Variants in RANBP2 observed in about 807,000 individuals in gnomAD.
RANBP2 encodes RAN binding protein 2.
In RANBP2, 57 loss-of-function variants were observed where a neutral mutation model predicts 303.6. That is an observed-to-expected ratio of 0.19 (90% confidence interval 0.15 to 0.23). The LOEUF (loss-of-function observed/expected upper bound fraction) is 0.23, where lower values mean the gene tolerates loss of function less well. Among genes scored for constraint, RANBP2 ranks in the 10% least tolerant of loss-of-function variants. The pLI, the probability that RANBP2 is intolerant of heterozygous loss-of-function variation, is 1.00. For synonymous variants in RANBP2, 1,167 were observed against 1,301.5 expected (o/e 0.90, Z 2.23); for missense variants, 3,138 against 3,780.8 (o/e 0.83, Z 4.46).
At chr2:109,588,121 A>G in the RANBP2 span, among the ~76,000 whole-genome samples, 5 of 152,026 alleles carry the variant, frequency 3.3e-5, no homozygotes, top group African/African-American at 1.2e-4. Flanking sequence ...AAAAAAAAAG[A>G]CATCGTAGAA....
chr2:108,883,954 G>GT, the RANBP2 span: 132,888 of 152,270 alleles, frequency 0.87, 58,374 homozygotes, highest in East Asian at 1. Flanking sequence ...GTCTCTCACA[G>GT]GTTCCTAGGC....
chr2:109,365,847 T>C, the RANBP2 span, among the ~76,000 whole-genome samples: 1 of 152,266 alleles, frequency 6.6e-6, no homozygotes, highest in Admixed American at 6.5e-5. Flanking sequence ...CCTTTCACTG[T>C]TAAATTGCCT....
the RANBP2 span, among the ~76,000 whole-genome samples, chr2:108,900,374 G>A: frequency 2.6e-5 from 4 of 152,094 alleles, no homozygotes; most frequent in African/African-American, 9.7e-5. Context: ...TGGTCAACAC[G>A]GTGAAACCCT....
chr2:109,449,147 T>C, the RANBP2 span: 1 of 1,608,776 alleles, frequency 6.2e-7, no homozygotes, highest in Non-Finnish European at 8.5e-7. Context: ...TTCAACCTGC[T>C]GTCTCTCCAA....
chr2:109,205,350 C>T, the RANBP2 span, among the ~76,000 whole-genome samples: 418 of 151,674 alleles, frequency 2.8e-3, 4 homozygotes, highest in African/African-American at 9.3e-3. Context: ...ATTCTCCTGC[C>T]GCAGCCTTCT....
At chr2:109,332,822 G>C in the RANBP2 span, among the ~76,000 whole-genome samples, 1 of 152,210 alleles carries the variant, frequency 6.6e-6, no homozygotes, top group African/African-American at 2.4e-5. Flanking sequence ...CCTTTTTAAC[G>C]TGCACAGTAT....
At chr2:108,841,237 G>T in the RANBP2 span, among the ~76,000 whole-genome samples, 19 of 152,228 alleles carry the variant, frequency 1.2e-4, no homozygotes, top group African/African-American at 4.6e-4. Flanking sequence ...TATGTATTCT[G>T]TTGTTTGGTA....
At chr2:109,268,660 T>A in the RANBP2 span, among the ~76,000 whole-genome samples, 2 of 152,200 alleles carry the variant, frequency 1.3e-5, no homozygotes, top group African/African-American at 4.8e-5. Context: ...GAATCTTTAC[T>A]TTGAGTTCCT....
At chr2:109,703,850 C>G in the RANBP2 span, among the ~76,000 whole-genome samples, 49 of 152,358 alleles carry the variant, frequency 3.2e-4, no homozygotes, top group African/African-American at 1.2e-3. Context: ...CAAACGTCCT[C>G]CCTCTGCCCA....
the RANBP2 span, chr2:108,805,072 A>G: frequency 1.1e-6 from 1 of 927,528 alleles, no homozygotes; most frequent in Non-Finnish European, 1.5e-6. Context: ...TATATATAAC[A>G]AATTAAAGTC....
At chr2:109,614,089 G>A in the RANBP2 span, 5 of 1,211,104 alleles carry the variant, frequency 4.1e-6, no homozygotes, top group African/African-American at 7.9e-5. Context: ...CGACGCCTGA[G>A]GACTGAGCGT....
the RANBP2 span, among the ~76,000 whole-genome samples, chr2:109,529,176 T>G: frequency 6.6e-6 from 1 of 152,096 alleles, no homozygotes; most frequent in African/African-American, 2.4e-5. Context: ...GGGTCCTGGA[T>G]GGGCTCAGGG....
At chr2:109,682,228 C>G in the RANBP2 span, among the ~76,000 whole-genome samples, 1 of 152,158 alleles carries the variant, frequency 6.6e-6, no homozygotes, top group African/African-American at 2.4e-5. Context: ...GTGAGCCTGG[C>G]AGTAAAGTTG....
the RANBP2 span, among the ~76,000 whole-genome samples, chr2:109,285,022 G>A: frequency 3.9e-5 from 6 of 152,228 alleles, no homozygotes; most frequent in South Asian, 2.1e-4. Flanking sequence ...TTGTCTGTGC[G>A]CTGTGCCGCG....
At chr2:109,090,308 C>CCACACACA in the RANBP2 span, among the ~76,000 whole-genome samples, 168 of 132,828 alleles carry the variant, frequency 1.3e-3, 2 homozygotes, top group African/African-American at 4.6e-3. Context: ...GGACACCTCG[C>CCACACACA]CTCACACACA....
At chr2:109,685,675 T>C in the RANBP2 span, among the ~76,000 whole-genome samples, 1 of 152,352 alleles carries the variant, frequency 6.6e-6, no homozygotes, top group Non-Finnish European at 1.5e-5. Flanking sequence ...TCAGTGAGGT[T>C]CACAGAGGGC....
the RANBP2 span, among the ~76,000 whole-genome samples, chr2:109,684,245 CT>C: frequency 2.1e-4 from 18 of 87,138 alleles, no homozygotes; most frequent in South Asian, 6.6e-3. Context: ...CCCGGTCTTA[CT>C]TTTTTTTTTT....
the RANBP2 span, among the ~76,000 whole-genome samples, chr2:109,683,242 G>GT: frequency 6.6e-6 from 1 of 152,114 alleles, no homozygotes; most frequent in Non-Finnish European, 1.5e-5. Flanking sequence ...CTGACCTCAG[G>GT]TGGTCCGCCT....
the RANBP2 span, among the ~76,000 whole-genome samples, chr2:109,507,820 AGACGTGT>A: frequency 1.3e-3 from 203 of 152,332 alleles, no homozygotes; most frequent in Non-Finnish European, 1.5e-4. Context: ...GCAGACAATC[AGACGTGT>A]GCAAATGATG....
Sources: allele counts gnomAD v4.1 joint callset (sites outside exome capture counted in the v4.1 genomes callset), GRCh38; gene constraint gnomAD v4.1.1; transcripts MANE v1.5; gene names NCBI Gene and HGNC (gene_info 2026-07-23, HGNC 2026-07-21).